Variants in ARHGAP10 observed in about 807,000 individuals in gnomAD.
The protein encoded by ARHGAP10 is rho GTPase-activating protein 10.
ARHGAP10 carries 87 observed loss-of-function variants against 108.6 expected under a neutral mutation model. The ratio of observed to expected loss-of-function variants is 0.80; its 90% CI spans 0.67 to 0.96. The LOEUF is 0.96. ARHGAP10 is among the 40% of genes least tolerant of loss of function. The probability of loss-of-function intolerance (pLI) is 0.00; values close to 1 mark genes in which losing one functional copy is unlikely to be tolerated. For synonymous variants in ARHGAP10, 347 were observed against 341.1 expected (o/e 1.02, Z -0.19); for missense variants, 939 against 954.5 (o/e 0.98, Z 0.21).
chr4:147,830,482 T>C (rs943885707), intron 3 of ARHGAP10, among the ~76,000 whole-genome samples: 5 of 150,952 alleles, frequency 3.3e-5, no homozygotes, highest in South Asian at 2.1e-4. Context: ...TTTTTGCCAC[T>C]TTTTTTTTAA....
intron 1 of ARHGAP10, among the ~76,000 whole-genome samples, chr4:147,813,037 C>T (rs1407142024): frequency 6.6e-6 from 1 of 152,056 alleles, no homozygotes; most frequent in Non-Finnish European, 1.5e-5. Context: ...GTTCAAATTT[C>T]TTTATGTTGA....
rs2149691366 is a variant in ARHGAP10, at chr4:148,064,424, G to T, written c.2189G>T (p.Ser730Ile). The T allele has an allele frequency of 6.2e-7, 1 of 1,613,642 alleles. No homozygotes were observed. The highest frequency in any genetic ancestry group is 1.1e-5 in the South Asian group (1 of 90,958). The stretch of plus-strand genomic sequence containing the variant: ...ATTCTCTTTCTTTTCAGCATCCGCA[G>T]TCGGAAGGCTCGAGCCGTGTATCCG... ...VADKPPESIR[S>I]RKARAVYPCE... The change falls in exon 22 of 23, where the codon AGT (serine) becomes ATT (isoleucine). Residue 730 changes from serine to isoleucine, a missense_variant. Coordinates refer to ENST00000336498, the MANE Select transcript of ARHGAP10 (RefSeq NM_024605.4).
chr4:147,989,168 T>G (rs1221367427), intron 18 of ARHGAP10, among the ~76,000 whole-genome samples: 2 of 152,158 alleles, frequency 1.3e-5, no homozygotes, highest in Non-Finnish European at 2.9e-5. Context: ...CAGCAAGTTT[T>G]TATTAGGGAG....
chr4:147,793,354 A>T (rs956593069), intron 1 of ARHGAP10, among the ~76,000 whole-genome samples: 2 of 150,798 alleles, frequency 1.3e-5, no homozygotes, highest in South Asian at 2.1e-4. Context: ...AGTTGTGATT[A>T]TAAATTCTGG....
At chr4:148,039,257 G>A (rs946353241) in intron 19 of ARHGAP10, among the ~76,000 whole-genome samples, 7 of 151,426 alleles carry the variant, frequency 4.6e-5, no homozygotes, top group African/African-American at 1.7e-4. Flanking sequence ...ATCCTTTGGG[G>A]ATTTTTATAT....
At chr4:147,736,378 T>A (rs1224634994) in intron 1 of ARHGAP10, among the ~76,000 whole-genome samples, 1 of 152,236 alleles carries the variant, frequency 6.6e-6, no homozygotes, top group Non-Finnish European at 1.5e-5. Flanking sequence ...AGAGAAATAT[T>A]CTTTTGGGGA....
intron 16 of ARHGAP10, among the ~76,000 whole-genome samples, chr4:147,959,532 G>A (rs762838608): frequency 1.3e-5 from 2 of 150,526 alleles, no homozygotes; most frequent in South Asian, 2.1e-4. Flanking sequence ...CCCACCCCAC[G>A]ACAGGCCCAG....
chr4:148,007,322 G>C (rs548442337), intron 18 of ARHGAP10, among the ~76,000 whole-genome samples: 3 of 152,298 alleles, frequency 2.0e-5, no homozygotes, highest in African/African-American at 7.2e-5. Flanking sequence ...AACCCCATTG[G>C]CATGTTCACA....
At chr4:147,909,039 G>A (rs1301628498) in intron 11 of ARHGAP10, among the ~76,000 whole-genome samples, 4 of 152,146 alleles carry the variant, frequency 2.6e-5, no homozygotes, top group African/African-American at 9.7e-5. Context: ...CTGAGTTCAG[G>A]TGCCCATCAC....
intron 20 of ARHGAP10, among the ~76,000 whole-genome samples, chr4:148,053,268 A>G (rs1480031155): frequency 6.6e-6 from 1 of 152,154 alleles, no homozygotes; most frequent in Non-Finnish European, 1.5e-5. Flanking sequence ...ATATGGGGAC[A>G]TTGCTTGAAT....
intron 1 of ARHGAP10, among the ~76,000 whole-genome samples, chr4:147,734,534 A>G (rs1429844197): frequency 2.6e-5 from 4 of 152,174 alleles, no homozygotes; most frequent in Non-Finnish European, 4.4e-5. Context: ...TGTAGCTCAC[A>G]TGCCTTTTCC....
At chr4:148,050,752 C>T (rs1049217740) in intron 20 of ARHGAP10, among the ~76,000 whole-genome samples, 6 of 152,200 alleles carry the variant, frequency 3.9e-5, no homozygotes, top group Non-Finnish European at 8.8e-5. Flanking sequence ...TTGCTCCTTA[C>T]TGTGTTTTGT....
intron 1 of ARHGAP10, among the ~76,000 whole-genome samples, chr4:147,744,592 G>A (rs1728827902): frequency 1.3e-5 from 2 of 152,056 alleles, no homozygotes; most frequent in Non-Finnish European, 2.9e-5. Flanking sequence ...GACTTTGGTG[G>A]CAGAAGAGGA....
intron 20 of ARHGAP10, among the ~76,000 whole-genome samples, chr4:148,053,396 T>C (rs1168255059): frequency 1.3e-5 from 2 of 152,210 alleles, no homozygotes; most frequent in East Asian, 3.9e-4. Context: ...GTCATGTGGC[T>C]GTGGTTTATA....
intron 18 of ARHGAP10, among the ~76,000 whole-genome samples, chr4:148,007,038 C>A (rs902706826): frequency 6.6e-6 from 1 of 152,082 alleles, no homozygotes; most frequent in Non-Finnish European, 1.5e-5. Flanking sequence ...GACGAAATTG[C>A]CTGTAGGTGC....
At position 148,019,526 on chromosome 4, in the gene ARHGAP10, C is replaced by T. The variant is rs563346692; in HGVS notation, c.1717-3737C>T. ...CAGCACTTTAGGTGGCAGAGGCGGA[C>T]GGATCACGAGGTCAGGAGTTAGAGA... On this transcript the variant is annotated intron_variant, in intron 18 of 22. Coordinates refer to ENST00000336498, the MANE Select transcript of ARHGAP10 (RefSeq NM_024605.4). 4.6e-5 allele frequency among the ~76,000 whole-genome samples: 7 copies of T among 152,068 alleles called. No individual in the cohort carries two copies. In the South Asian group the frequency reaches 6.3e-4, roughly 14 times the overall value.
At chr4:147,809,411 T>C (rs1560770080) in intron 1 of ARHGAP10, among the ~76,000 whole-genome samples, 1 of 152,230 alleles carries the variant, frequency 6.6e-6, no homozygotes, top group Non-Finnish European at 1.5e-5. Context: ...TTTTTCTTTT[T>C]AATGGTTCCA....
rs994071784 is a variant in ARHGAP10, at chr4:148,004,576, C to G, written c.1717-18687C>G. 3.9e-5 allele frequency among the ~76,000 whole-genome samples: 6 copies of G among 152,222 alleles called. No individual in the cohort carries two copies. In the East Asian group the frequency reaches 1.2e-3, roughly 29 times the overall value. On this transcript the variant is annotated intron_variant, in intron 18 of 22. Coordinates refer to ENST00000336498, the MANE Select transcript of ARHGAP10 (RefSeq NM_024605.4). ...GCTTGGAAGTAATCAACCACGTGAA[C>G]TGTCTGTGGAGAGGGCCACGTGGCA...
chr4:147,887,257 C>A (rs1735609438), intron 10 of ARHGAP10, among the ~76,000 whole-genome samples: 1 of 152,146 alleles, frequency 6.6e-6, no homozygotes, highest in Admixed American at 6.5e-5. Flanking sequence ...GCCTTTCCTC[C>A]CTGCCTGTGG....
Sources: gnomAD v4.1 joint callset for allele counts (sites outside exome capture counted in the v4.1 genomes callset) on GRCh38, gnomAD v4.1.1 for gene constraint, MANE v1.5 for transcripts, NCBI Gene and HGNC (gene_info 2026-07-23, HGNC 2026-07-21) for gene names.